The following PHF21A variants were observed in gnomAD, a reference collection of about 807,000 sequenced individuals.
PHF21A encodes the protein BHC80a.
In PHF21A, 11 loss-of-function variants were observed where a neutral mutation model predicts 82.5. The ratio of observed to expected loss-of-function variants is 0.13; its 90% CI spans 0.08 to 0.22. PHF21A has a LOEUF of 0.22. Ranked by LOEUF, PHF21A falls within the 10% of genes least tolerant of loss-of-function variation. The pLI, the probability that PHF21A is intolerant of heterozygous loss-of-function variation, is 1.00. For synonymous variants in PHF21A, 297 were observed against 302.8 expected, an observed-to-expected ratio of 0.98 and a Z score of 0.20; for missense variants, 579 against 837.8, an observed-to-expected ratio of 0.69 and a Z score of 3.81.
chr11:45,976,300 T>A (rs996235270), intron 7 of PHF21A, among the ~76,000 whole-genome samples: 2 of 152,182 alleles, frequency 1.3e-5, no homozygotes, highest in South Asian at 2.1e-4. Context: ...TTCTGATCCC[T>A]CTAGTCAAAA....
chr11:46,008,232 A>G (rs2095339673), intron 6 of PHF21A, among the ~76,000 whole-genome samples: 1 of 152,226 alleles, frequency 6.6e-6, no homozygotes, highest in Non-Finnish European at 1.5e-5. Flanking sequence ...TAATGTTCAG[A>G]TGATAACTCA....
chr11:46,098,724 C>CA (rs1236910229), intron 1 of PHF21A, among the ~76,000 whole-genome samples: 5 of 151,790 alleles, frequency 3.3e-5, no homozygotes, highest in Non-Finnish European at 7.4e-5. Context: ...TCATTAACAA[C>CA]AAAAAAACAA....
At position 45,933,742 on chromosome 11, in the gene PHF21A, G is replaced by A. The variant is rs1281405009; in HGVS notation, c.*226C>T. The A allele has an allele frequency of 4.8e-6, 2 of 416,118 alleles. No homozygotes were observed. The highest frequency in any genetic ancestry group is 8.4e-6 in the Non-Finnish European group (2 of 237,424). 25.8% of individuals were successfully genotyped at this position (416,118 alleles called of 1,614,324 possible). ...GGTGCTGGCAAAGAACCTCCAGCTG[G>A]CACTATTTCATGTAACATGGTCCAA... On this transcript the variant is annotated 3_prime_UTR_variant, in exon 19 of 19. Coordinates refer to ENST00000676320, the MANE Select transcript of PHF21A (RefSeq NM_001352027.3).
chr11:46,000,932 T>A (rs1005003937), intron 6 of PHF21A, among the ~76,000 whole-genome samples: 102 of 151,644 alleles, frequency 6.7e-4, no homozygotes, highest in African/African-American at 2.3e-3. Flanking sequence ...AAAAAATAAA[T>A]AAATAAATAA....
chr11:46,081,390 GA>G (rs144297315), intron 4 of PHF21A, among the ~76,000 whole-genome samples: 2,727 of 152,224 alleles, frequency 0.018, 39 homozygotes, highest in South Asian at 0.04. Context: ...AGTCTTCAAT[GA>G]AAAAAGCTCT....
chr11:45,966,533 C>G (rs1411839912), intron 9 of PHF21A, among the ~76,000 whole-genome samples: 4 of 152,212 alleles, frequency 2.6e-5, no homozygotes, highest in Non-Finnish European at 5.9e-5. Context: ...TGCTTGGGTT[C>G]AAATCCTAGT....
intron 6 of PHF21A, among the ~76,000 whole-genome samples, chr11:46,013,964 G>C (rs996268158): frequency 6.6e-6 from 1 of 152,036 alleles, no homozygotes; most frequent in Non-Finnish European, 1.5e-5. Flanking sequence ...TTATAATACC[G>C]TATACTTAGG....
In PHF21A at chr11:46,014,752, G is replaced by A. The variant is rs1321324193; in HGVS notation, c.154-34786C>T. Reference sequence around the variant, plus strand: ...TCCCAGCACTTTGGGAGGCCGAGGCGGGCGGATCACGAGGTCAGGAGATCG... The same window carrying A: ...TCCCAGCACTTTGGGAGGCCGAGGCAGGCGGATCACGAGGTCAGGAGATCG... On this transcript the variant is annotated intron_variant, in intron 6 of 18. Transcript: ENST00000676320. 2.1e-4 allele frequency among the ~76,000 whole-genome samples: 10 copies of A among 47,844 alleles called. 1 individual carries two copies. The highest frequency in any genetic ancestry group is 3.8e-3 in the East Asian group (1 of 266). 31.4% of individuals were successfully genotyped at this position (47,844 alleles called of 152,430 possible). A position where few individuals can be genotyped will look rare whatever the true frequency, so the allele number is the denominator to read the frequency against.
At chr11:46,056,231 T>C (rs907916473) in intron 6 of PHF21A, among the ~76,000 whole-genome samples, 3 of 152,140 alleles carry the variant, frequency 2.0e-5, no homozygotes, top group African/African-American at 7.2e-5. Flanking sequence ...CAATTTTGTT[T>C]TCATTAAGTC....
At chr11:46,102,698 T>C (rs1386701442) in intron 1 of PHF21A, among the ~76,000 whole-genome samples, 1 of 152,252 alleles carries the variant, frequency 6.6e-6, no homozygotes, top group Non-Finnish European at 1.5e-5. Context: ...GGTATTTTTC[T>C]ATTCTCTCTC....
intron 15 of PHF21A, among the ~76,000 whole-genome samples, chr11:45,943,035 T>C (rs1232351271): frequency 2.0e-5 from 3 of 152,096 alleles, no homozygotes; most frequent in African/African-American, 7.2e-5. Flanking sequence ...TATTCAATCC[T>C]GATGGCTCTT....
intron 6 of PHF21A, among the ~76,000 whole-genome samples, chr11:45,995,877 A>C (rs1420726239): frequency 6.6e-6 from 1 of 152,216 alleles, no homozygotes; most frequent in Non-Finnish European, 1.5e-5. Context: ...ACCTTCTGGT[A>C]ATCTTCATAA....
intron 2 of PHF21A, among the ~76,000 whole-genome samples, chr11:46,091,189 A>G (rs1477566131): frequency 6.6e-6 from 1 of 152,222 alleles, no homozygotes; most frequent in African/African-American, 2.4e-5. Context: ...AATATCTACT[A>G]TATCTACTCC....
chr11:46,111,164 A>G (rs772499684), intron 1 of PHF21A, among the ~76,000 whole-genome samples: 17 of 150,002 alleles, frequency 1.1e-4, no homozygotes, highest in Non-Finnish European at 2.1e-4. Flanking sequence ...TATATAAACA[A>G]GTACTTTAAA....
At chr11:45,972,734 T>A (rs1305332541) in intron 7 of PHF21A, among the ~76,000 whole-genome samples, 3 of 152,020 alleles carry the variant, frequency 2.0e-5, no homozygotes, top group Non-Finnish European at 4.4e-5. Flanking sequence ...GCCAACATGG[T>A]GAAACCCCAT....
chr11:46,119,281 T>C (rs1852291651), intron 1 of PHF21A, among the ~76,000 whole-genome samples: 1 of 152,152 alleles, frequency 6.6e-6, no homozygotes, highest in Non-Finnish European at 1.5e-5. Context: ...ATGGGGCAAA[T>C]CTTTGAAATC....
intron 6 of PHF21A, among the ~76,000 whole-genome samples, chr11:46,035,442 T>A (rs1164073902): frequency 6.6e-6 from 1 of 152,250 alleles, no homozygotes; most frequent in Admixed American, 6.5e-5. Flanking sequence ...CTTCATTCAC[T>A]TAATGTACAT....
At chr11:46,055,708 T>C (rs999840481) in intron 6 of PHF21A, among the ~76,000 whole-genome samples, 1 of 152,136 alleles carries the variant, frequency 6.6e-6, no homozygotes, top group African/African-American at 2.4e-5. Context: ...TCTCTTTATA[T>C]AAACGCCCCA....
chr11:46,099,390 G>A (rs1328773198), intron 1 of PHF21A, among the ~76,000 whole-genome samples: 3 of 152,134 alleles, frequency 2.0e-5, no homozygotes. Context: ...AAGCTGCCGA[G>A]GATGAGCAAA....
Sources: gnomAD v4.1 joint callset for allele counts (sites outside exome capture counted in the v4.1 genomes callset) on GRCh38, gnomAD v4.1.1 for gene constraint, MANE v1.5 for transcripts, NCBI Gene and HGNC (gene_info 2026-07-23, HGNC 2026-07-21) for gene names.